GRIN2B: variants seen among roughly 807,000 people sequenced by gnomAD.
GRIN2B encodes the protein glutamate ionotropic receptor NMDA type subunit 2B, also known as glutamate receptor ionotropic, NMDA 2B.
GRIN2B carries 5 observed loss-of-function variants against 114.5 expected under a neutral mutation model. That is an observed-to-expected ratio of 0.04 (90% confidence interval 0.02 to 0.09). GRIN2B has a LOEUF of 0.09. Ranked by LOEUF, GRIN2B falls within the 10% of genes least tolerant of loss-of-function variation. GRIN2B has a pLI of 1.00. For missense variants in GRIN2B, 1,108 were observed against 1,943.5 expected (o/e 0.57, Z 8.08); for synonymous variants, 787 against 745.1 (o/e 1.06, Z -0.92).
At chr12:13,628,186 T>C (rs955438076) in intron 5 of GRIN2B, among the ~76,000 whole-genome samples, 2 of 152,202 alleles carry the variant, frequency 1.3e-5, no homozygotes, top group South Asian at 4.1e-4. Flanking sequence ...TCCTTGGCAG[T>C]TCTGTGTGCC....
chr12:13,960,682 A>G (rs901961260), intron 2 of GRIN2B, among the ~76,000 whole-genome samples: 7 of 152,202 alleles, frequency 4.6e-5, no homozygotes, highest in Admixed American at 2.6e-4. Flanking sequence ...TAGGGTGACC[A>G]CACTGAAAGC....
intron 2 of GRIN2B, among the ~76,000 whole-genome samples, chr12:13,953,995 T>C (rs1867542526): frequency 6.6e-6 from 1 of 152,244 alleles, no homozygotes; most frequent in African/African-American, 2.4e-5. Flanking sequence ...GAAAAGCATG[T>C]AGACTATTGA....
At chr12:13,703,304 C>T (rs796402064) in intron 4 of GRIN2B, among the ~76,000 whole-genome samples, 2 of 152,254 alleles carry the variant, frequency 1.3e-5, no homozygotes, top group South Asian at 2.1e-4. Flanking sequence ...CTTGCTGATG[C>T]CCACTCTTCA....
intron 5 of GRIN2B, among the ~76,000 whole-genome samples, chr12:13,659,968 G>A (rs1949904603): frequency 6.6e-6 from 1 of 151,986 alleles, no homozygotes; most frequent in Non-Finnish European, 1.5e-5. Context: ...TGTGGCTCAG[G>A]GCTGTATACA....
chr12:13,674,197 CA>C, intron 5 of GRIN2B, among the ~76,000 whole-genome samples: 1 of 151,722 alleles, frequency 6.6e-6, no homozygotes, highest in East Asian at 2.0e-4. Context: ...TCATTTCTAC[CA>C]AAAATTTGAA....
chr12:13,772,167 T>A lies in GRIN2B; in HGVS notation c.412-18252A>T, dbSNP rs144972128. On this transcript the variant is annotated intron_variant, in intron 3 of 13. Coordinates refer to ENST00000609686, the MANE Select transcript of GRIN2B (RefSeq NM_000834.5). ...ACGTTCTTCAGCTATTATTCCCAGC[T>A]ATCACCCGGTCTCAGATGGATCAGC... Among the ~76,000 whole-genome samples the A allele has an allele frequency of 2.5e-3, 377 of 152,362 alleles. 3 individuals carry two copies. Among genetic ancestry groups the A allele is most frequent in the African/African-American group, 8.6e-3 (357 of 41,576 alleles).
chr12:13,798,885 A>G (rs1314998670), intron 3 of GRIN2B, among the ~76,000 whole-genome samples: 3 of 152,232 alleles, frequency 2.0e-5, no homozygotes, highest in Non-Finnish European at 4.4e-5. Context: ...CTTACATTCA[A>G]AAAGGTGCCT....
At chr12:13,594,422 G>A (rs1308908915) in intron 10 of GRIN2B, among the ~76,000 whole-genome samples, 1 of 151,324 alleles carries the variant, frequency 6.6e-6, no homozygotes, top group Non-Finnish European at 1.5e-5. Context: ...ACTAACACAA[G>A]CACAGAAAAC....
intron 3 of GRIN2B, among the ~76,000 whole-genome samples, chr12:13,823,210 C>G (rs546104859): frequency 4.0e-5 from 6 of 151,840 alleles, no homozygotes; most frequent in African/African-American, 1.2e-4. Flanking sequence ...CTGAAAAAAC[C>G]CCACTGGGCT....
At chr12:13,905,130 T>C (rs1866516220) in intron 2 of GRIN2B, among the ~76,000 whole-genome samples, 1 of 152,204 alleles carries the variant, frequency 6.6e-6, no homozygotes, top group South Asian at 2.1e-4. Context: ...AAACTTTTTC[T>C]CATGAGGATG....
chr12:13,758,472 G>C (rs1863618103), intron 3 of GRIN2B, among the ~76,000 whole-genome samples: 2 of 152,208 alleles, frequency 1.3e-5, no homozygotes, highest in Admixed American at 6.5e-5. Flanking sequence ...GAGGAGAAGA[G>C]AACTGGGAAC....
At chr12:13,826,858 C>T (rs1308738794) in intron 3 of GRIN2B, among the ~76,000 whole-genome samples, 1 of 151,864 alleles carries the variant, frequency 6.6e-6, no homozygotes, top group Non-Finnish European at 1.5e-5. Flanking sequence ...TTTCTTTTGC[C>T]TGAAAAACGT....
In GRIN2B at chr12:13,778,079, C is replaced by T. The variant is rs140065570; in HGVS notation, c.412-24164G>A. 3.4e-4 allele frequency among the ~76,000 whole-genome samples: 52 copies of T among 152,320 alleles called. No homozygotes were observed. The East Asian group carries it at 9.5e-3, about 28-fold the overall frequency. ...AGACTTGGGTAGACCCAGGGAAAGA[C>T]CGTGTTGTTGATAGAGTGGACTTTC... On this transcript the variant is annotated intron_variant, in intron 3 of 13. Transcript: ENST00000609686.
intron 3 of GRIN2B, among the ~76,000 whole-genome samples, chr12:13,817,478 C>A (rs1490115663): frequency 6.6e-6 from 1 of 152,184 alleles, no homozygotes; most frequent in African/African-American, 2.4e-5. Context: ...AAATCCCATT[C>A]CTGTTTTCAA....
chr12:13,649,099 C>T (rs1243505595), intron 5 of GRIN2B, among the ~76,000 whole-genome samples: 2 of 152,034 alleles, frequency 1.3e-5, no homozygotes, highest in Non-Finnish European at 2.9e-5. Flanking sequence ...CTGAGCTCAG[C>T]TTCCTCATTT....
intron 2 of GRIN2B, among the ~76,000 whole-genome samples, chr12:13,979,535 A>G (rs982995276): frequency 2.0e-5 from 3 of 152,072 alleles, no homozygotes; most frequent in African/African-American, 4.8e-5. Flanking sequence ...CCTGAAAAAA[A>G]AAAAAAAAAA....
chr12:13,572,363 T>C (rs1239047410), intron 10 of GRIN2B, among the ~76,000 whole-genome samples: 1 of 152,174 alleles, frequency 6.6e-6, no homozygotes, highest in East Asian at 1.9e-4. Flanking sequence ...TCAGGCCTCT[T>C]AAAGGCCTAA....
intron 2 of GRIN2B, among the ~76,000 whole-genome samples, chr12:13,872,326 C>T (rs998956668): frequency 1.3e-5 from 2 of 151,782 alleles, no homozygotes; most frequent in East Asian, 1.9e-4. Context: ...TGTGGTGGCA[C>T]GTGCCTGTAA....
intron 2 of GRIN2B, among the ~76,000 whole-genome samples, chr12:13,936,982 T>A (rs1410380257): frequency 6.6e-6 from 1 of 151,586 alleles, no homozygotes; most frequent in Non-Finnish European, 1.5e-5. Flanking sequence ...ATTAATAATA[T>A]CATTGATCTA....
Sources: gnomAD v4.1 joint callset for allele counts (sites outside exome capture counted in the v4.1 genomes callset) on GRCh38, gnomAD v4.1.1 for gene constraint, MANE v1.5 for transcripts, NCBI Gene and HGNC (gene_info 2026-07-23, HGNC 2026-07-21) for gene names.